DNAH7: variants seen among roughly 807,000 people sequenced by gnomAD.
The protein encoded by DNAH7 is axonemal beta dynein heavy chain 7.
In DNAH7, 397 loss-of-function variants were observed where a neutral mutation model predicts 444.6. The observed-to-expected ratio is 0.89, with a 90% CI of 0.82 to 0.97. The LOEUF is 0.97. Ranked by LOEUF, DNAH7 falls within the 50% of genes least tolerant of loss-of-function variation. DNAH7 has a pLI of 0.00. For synonymous variants in DNAH7, 1,636 were observed against 1,624.4 expected (o/e 1.01, Z -0.17); for missense variants, 4,902 against 4,800.8 (o/e 1.02, Z -0.62).
intron 58 of DNAH7, among the ~76,000 whole-genome samples, chr2:195,785,174 G>A (rs1023775900): frequency 6.6e-6 from 1 of 152,170 alleles, no homozygotes; most frequent in Non-Finnish European, 1.5e-5. Context: ...GCCTCCCAAA[G>A]TGCTGGGATT....
chr2:196,065,967 T>C (rs1402086701), intron 1 of DNAH7, among the ~76,000 whole-genome samples: 1 of 152,250 alleles, frequency 6.6e-6, no homozygotes, highest in African/African-American at 2.4e-5. Context: ...AATGGTCTTT[T>C]TATAAATGTT....
intron 8 of DNAH7, among the ~76,000 whole-genome samples, chr2:196,022,260 G>A (rs528115849): frequency 6.6e-6 from 1 of 152,282 alleles, no homozygotes; most frequent in Admixed American, 6.5e-5. Context: ...TAACCAAGCT[G>A]TGGCAATTTT....
At chr2:195,764,727 A>T (rs894737037) in intron 61 of DNAH7, among the ~76,000 whole-genome samples, 18 of 152,270 alleles carry the variant, frequency 1.2e-4, no homozygotes, top group African/African-American at 4.3e-4. Context: ...GGTGAAAGAA[A>T]TTGAAGAAGA....
At chr2:196,029,403 GT>G (rs1448586574) in intron 5 of DNAH7, among the ~76,000 whole-genome samples, 8 of 152,030 alleles carry the variant, frequency 5.3e-5, no homozygotes, top group Admixed American at 6.6e-5. Flanking sequence ...GAGGTAGAAG[GT>G]TGGGGGTTGT....
At position 196,048,396 on chromosome 2, in the gene DNAH7, T is replaced by C. The variant is rs1320596759; in HGVS notation, c.150A>G (p.Thr50=). 6.2e-7 allele frequency: 1 copy of C among 1,612,934 alleles called. No homozygotes were observed. The highest frequency in any genetic ancestry group is 2.2e-5 in the East Asian group (1 of 44,874). The change falls in exon 4 of 65, where the codon ACA becomes ACG. Residue 50 remains threonine, a synonymous_variant. Coordinates refer to ENST00000312428, the MANE Select transcript of DNAH7 (RefSeq NM_018897.3). ...RALPQLSMVS[T]KPHWQQAAPS... is the part of the protein sequence containing the mutation. ...GAGCTGCCTGCTGCCAGTGGGGCTT[T>C]GTACTCACCTAAAATACAAAATTTA...
Position 195,738,105 on chromosome 2 carries a change from C to CTCTT in DNAH7, c.11887_11890dup (p.Arg3964LysfsTer17), listed in dbSNP as rs1692757949. On this transcript the variant is annotated frameshift_variant, in exon 65 of 65. Transcript: ENST00000312428. LOFTEE classifies it low-confidence loss of function (END_TRUNC). ...ACTTGGCCGTTTTGGTATATCTGCC[C>CTCTT]TCTTACAGGGCTTTAGCCACATCTG... is the stretch of plus-strand genomic sequence containing the variant. 6.2e-7 allele frequency: 1 copy of CTCTT among 1,613,844 alleles called. No individual in the cohort carries two copies. Among genetic ancestry groups the CTCTT allele is most frequent in the Non-Finnish European group, 8.5e-7 (1 of 1,179,790 alleles).
chr2:195,994,139 A>T (rs1693538800), intron 12 of DNAH7: 1 of 170,548 alleles, frequency 5.9e-6, no homozygotes, highest in Non-Finnish European at 1.2e-5. Flanking sequence ...TTACTTCATG[A>T]TAATTTCTTG....
intron 53 of DNAH7, among the ~76,000 whole-genome samples, chr2:195,807,120 A>G (rs979260889): frequency 6.6e-6 from 1 of 152,044 alleles, no homozygotes; most frequent in African/African-American, 2.4e-5. Context: ...TGCATATGCT[A>G]CTATTTTCCC....
Position 195,855,832 on chromosome 2 carries a change from C to A in DNAH7, c.8574G>T (p.Lys2858Asn), listed in dbSNP as rs769072599. The A allele has an allele frequency of 6.2e-7, 1 of 1,613,528 alleles. No homozygotes were observed. ...LQDTLELNKQ[K>N]KADLENQVDL... ...ACACCTGGTTTTCCAGGTCAGCCTTCTTTTGTTTATTTAATTCAAGTGTGT... is the reference window on the plus strand; with the variant it reads ...ACACCTGGTTTTCCAGGTCAGCCTTATTTTGTTTATTTAATTCAAGTGTGT... The change falls in exon 45 of 65, where the codon AAG (lysine) becomes AAT (asparagine). Residue 2858 changes from lysine (K) to asparagine (N), a missense_variant. Coordinates refer to ENST00000312428, the MANE Select transcript of DNAH7 (RefSeq NM_018897.3).
chr2:195,902,776 G>A (rs1686786928), intron 27 of DNAH7: 1 of 152,078 alleles, frequency 6.6e-6, no homozygotes, highest in South Asian at 2.1e-4. Flanking sequence ...CTCCACCAAC[G>A]ATTGAACAAT....
rs573411511 is a variant in DNAH7 at position 195,944,919 on chromosome 2, T to C, written c.3079-8127A>G. On this transcript the variant is annotated intron_variant, in intron 19 of 64. Coordinates refer to ENST00000312428, the MANE Select transcript of DNAH7 (RefSeq NM_018897.3). ...TTCAAATTCTTATCATATTGACCTATTCAAGCAGCCTCATGGTCCACCAAA... is the reference window on the plus strand; with the variant it reads ...TTCAAATTCTTATCATATTGACCTACTCAAGCAGCCTCATGGTCCACCAAA... 8.5e-5 allele frequency among the ~76,000 whole-genome samples: 13 copies of C among 152,092 alleles called. No homozygotes were observed. The South Asian group carries it at 2.7e-3, about 32-fold the overall frequency.
At chr2:195,948,306 T>C (rs1343404845) in intron 19 of DNAH7, among the ~76,000 whole-genome samples, 3 of 152,240 alleles carry the variant, frequency 2.0e-5, no homozygotes, top group Admixed American at 6.5e-5. Flanking sequence ...TTATATCCCA[T>C]TTGTCAATTT....
At chr2:195,788,660 G>T (rs1388323042) in intron 57 of DNAH7, among the ~76,000 whole-genome samples, 1 of 152,196 alleles carries the variant, frequency 6.6e-6, no homozygotes, top group Non-Finnish European at 1.5e-5. Flanking sequence ...ATATATTAGA[G>T]AATTGAGCAA....
At chr2:196,017,979 A>G (rs895873841) in intron 9 of DNAH7, among the ~76,000 whole-genome samples, 1 of 152,152 alleles carries the variant, frequency 6.6e-6, no homozygotes, top group African/African-American at 2.4e-5. Context: ...GTATCGAAGG[A>G]AACTATAAAC....
At chr2:196,012,974 G>A (rs1000115084) in intron 9 of DNAH7, 68 bp from the exon 10 acceptor site, 2 of 1,151,528 alleles carry the variant, frequency 1.7e-6, no homozygotes, top group African/African-American at 1.6e-5. Flanking sequence ...TTATTAATTG[G>A]TTCCTTCTTA....
intron 58 of DNAH7, among the ~76,000 whole-genome samples, chr2:195,786,693 A>C (rs1485572932): frequency 6.6e-6 from 1 of 151,430 alleles, no homozygotes; most frequent in Non-Finnish European, 1.5e-5. Flanking sequence ...TACATTTTGG[A>C]ACCTGGTTAA....
chr2:196,028,596 A>T (rs954485360), intron 5 of DNAH7, among the ~76,000 whole-genome samples: 6 of 152,240 alleles, frequency 3.9e-5, no homozygotes, highest in Non-Finnish European at 7.3e-5. Context: ...GTTTGTAACT[A>T]TAATTCAATT....
At chr2:195,873,478 T>C in intron 39 of DNAH7, 90 bp downstream of exon 39, 3 of 850,734 alleles carry the variant, frequency 3.5e-6, no homozygotes, top group Admixed American at 3.4e-5. Flanking sequence ...GGAATGCTTT[T>C]GTTCTTTGAA....
chr2:195,900,570 G>C, intron 27 of DNAH7, 76 bp from the exon 28 acceptor site: 1 of 1,331,680 alleles, frequency 7.5e-7, no homozygotes, highest in Non-Finnish European at 1.1e-6. Flanking sequence ...AATACCACAC[G>C]CTCTCACTAA....
Sources: gnomAD v4.1 joint callset for allele counts (sites outside exome capture counted in the v4.1 genomes callset) on GRCh38, gnomAD v4.1.1 for gene constraint, MANE v1.5 for transcripts, NCBI Gene and HGNC (gene_info 2026-07-23, HGNC 2026-07-21) for gene names.